The following UBE4B variants were observed in gnomAD, a reference collection of about 807,000 sequenced individuals.
UBE4B encodes ubiquitination factor E4B.
Under a neutral mutation model 148.1 loss-of-function variants are expected in UBE4B, and 27 were observed. The observed-to-expected ratio is 0.18, with a 90% CI of 0.13 to 0.25. UBE4B has a LOEUF of 0.25. UBE4B is among the 10% of genes least tolerant of loss of function. The probability of loss-of-function intolerance (pLI) is 1.00; values close to 1 mark genes in which losing one functional copy is unlikely to be tolerated. For missense variants in UBE4B, 1,170 were observed against 1,662.4 expected (o/e 0.70, Z 5.15); for synonymous variants, 596 against 619.3 (o/e 0.96, Z 0.56).
At chr1:10,061,736 C>T (rs1323145313) in intron 1 of UBE4B, among the ~76,000 whole-genome samples, 4 of 152,096 alleles carry the variant, frequency 2.6e-5, no homozygotes, top group African/African-American at 4.8e-5. Context: ...AATCAAGCCG[C>T]ACCAGCAAAG....
intron 17 of UBE4B, among the ~76,000 whole-genome samples, chr1:10,138,740 TCTATATATC>T (rs1252344480): frequency 6.6e-6 from 1 of 152,216 alleles, no homozygotes; most frequent in Non-Finnish European, 1.5e-5. Flanking sequence ...AGGAAAGCTT[TCTATATATC>T]CTCAGTTACC....
At chr1:10,075,790 G>A (rs1480681797) in intron 2 of UBE4B, among the ~76,000 whole-genome samples, 2 of 152,208 alleles carry the variant, frequency 1.3e-5, no homozygotes, top group Non-Finnish European at 2.9e-5. Context: ...AGTGGCTCAT[G>A]CCTGTAATCA....
chr1:10,175,468 G>A lies in UBE4B; in HGVS notation c.3526-3176G>A, dbSNP rs374492131. Among the ~76,000 whole-genome samples the A allele has an allele frequency of 9.6e-3, 1,435 of 150,020 alleles. 14 individuals are homozygous for A. The highest frequency in any genetic ancestry group is 0.032 in the African/African-American group (1,270 of 39,940). Reference sequence around the variant, plus strand: ...AGATCGAGACCGTCCTGGCTAACACGGTGAAACCCCATCTCTACTAAAAAT... The same window carrying A: ...AGATCGAGACCGTCCTGGCTAACACAGTGAAACCCCATCTCTACTAAAAAT... On this transcript the variant is annotated intron_variant, in intron 25 of 27. Transcript: ENST00000343090.
rs1402350391 is a variant in UBE4B at position 10,107,275 on chromosome 1, G to A, written c.1196+692G>A. On this transcript the variant is annotated intron_variant, in intron 7 of 27. Coordinates refer to ENST00000343090, the MANE Select transcript of UBE4B (RefSeq NM_001105562.3). ...TTCCTCGCACTTTCTGGGGACAGTA[G>A]TGATGAAGAAGATGAAGAAGAAGAT... is the stretch of plus-strand genomic sequence containing the variant. 5 of 1,289,534 alleles carry A rather than the reference G, an allele frequency of 3.9e-6. No individual in the cohort carries two copies. The African/African-American group carries it at 6.1e-5, about 16-fold the overall frequency. 79.9% of individuals were successfully genotyped at this position (1,289,534 alleles called of 1,614,324 possible). A position where few individuals can be genotyped will look rare whatever the true frequency, so the allele number is the denominator to read the frequency against.
chr1:10,143,769 A>G (rs745764403), intron 17 of UBE4B, among the ~76,000 whole-genome samples: 1 of 152,210 alleles, frequency 6.6e-6, no homozygotes, highest in African/African-American at 2.4e-5. Flanking sequence ...AATCATTGGA[A>G]TGGCTATAAT....
At chr1:10,093,816 TC>T (rs1381098916) in intron 2 of UBE4B, among the ~76,000 whole-genome samples, 1 of 151,924 alleles carries the variant, frequency 6.6e-6, no homozygotes, top group Non-Finnish European at 1.5e-5. Flanking sequence ...TGCCTGAACC[TC>T]CCAAGTAGCT....
intron 7 of UBE4B, among the ~76,000 whole-genome samples, chr1:10,112,362 A>T (rs1040230719): frequency 6.6e-6 from 1 of 152,218 alleles, no homozygotes; most frequent in Non-Finnish European, 1.5e-5. Flanking sequence ...GGAAAATATT[A>T]AATACTACTT....
chr1:10,163,178 C>T (rs1446543273), intron 23 of UBE4B: 1 of 152,094 alleles, frequency 6.6e-6, no homozygotes, highest in African/African-American at 2.4e-5. Context: ...CCTGCCTCAG[C>T]CTTTGTAGAT....
At chr1:10,140,833 T>C (rs1427280292) in intron 17 of UBE4B, among the ~76,000 whole-genome samples, 1 of 152,236 alleles carries the variant, frequency 6.6e-6, no homozygotes, top group Non-Finnish European at 1.5e-5. Flanking sequence ...TAAATCCACC[T>C]TAATTTTCCA....
At chr1:10,087,012 A>G (rs575272876) in intron 2 of UBE4B, among the ~76,000 whole-genome samples, 1 of 152,340 alleles carries the variant, frequency 6.6e-6, no homozygotes, top group South Asian at 2.1e-4. Context: ...CTAAAAGTGG[A>G]CAAGACCAGA....
intron 15 of UBE4B, among the ~76,000 whole-genome samples, chr1:10,132,816 G>C (rs1557583356): frequency 6.6e-6 from 1 of 152,206 alleles, no homozygotes; most frequent in Non-Finnish European, 1.5e-5. Context: ...TCATAGGAAG[G>C]AGCCAGCCAT....
At chr1:10,122,684 T>C (rs1211243733) in intron 10 of UBE4B, among the ~76,000 whole-genome samples, 1 of 152,284 alleles carries the variant, frequency 6.6e-6, no homozygotes, top group African/African-American at 2.4e-5. Context: ...GAAACTTTGT[T>C]GTTAACATTG....
At chr1:10,143,197 AG>A (rs1450952364) in intron 17 of UBE4B, among the ~76,000 whole-genome samples, 1 of 152,148 alleles carries the variant, frequency 6.6e-6, no homozygotes, top group Non-Finnish European at 1.5e-5. Context: ...TGAGGTCAGA[AG>A]TTCGAGATCA....
In UBE4B at chr1:10,181,079, A is replaced by C. The variant is rs1384610725; in HGVS notation, c.*1123A>C. On this transcript the variant is annotated 3_prime_UTR_variant, in exon 28 of 28. Transcript: ENST00000343090. The stretch of plus-strand genomic sequence containing the variant: ...GAATTCTCAAATTTCCTTTGGGGTA[A>C]AAAAAAAAAAAGGATTTGAAACCAT... 2.0e-5 allele frequency: 1 copy of C among 50,548 alleles called. No homozygotes were observed. The highest frequency in any genetic ancestry group is 1.9e-4 in the Admixed American group (1 of 5,278). The allele number at this position is 50,548 out of a possible 1,614,324, so 3.1% of individuals were successfully genotyped here. A position where few individuals can be genotyped will look rare whatever the true frequency, so the allele number is the denominator to read the frequency against.
intron 11 of UBE4B, chr1:10,128,692 G>A (rs537279275): frequency 6.6e-6 from 1 of 152,236 alleles, no homozygotes; most frequent in Non-Finnish European, 1.5e-5. Flanking sequence ...TCAACGTTGT[G>A]TCAATGCCTA....
chr1:10,121,190 T>C (rs777375541), intron 9 of UBE4B, among the ~76,000 whole-genome samples: 1 of 151,572 alleles, frequency 6.6e-6, no homozygotes, highest in Non-Finnish European at 1.5e-5. Context: ...ACCCCATCTC[T>C]ACTAAAAATA....
At chr1:10,076,919 G>A (rs768558230) in intron 2 of UBE4B, among the ~76,000 whole-genome samples, 2 of 151,348 alleles carry the variant, frequency 1.3e-5, no homozygotes, top group Non-Finnish European at 2.9e-5. Flanking sequence ...GCTAATTTTT[G>A]TATTTTTAGT....
At chr1:10,175,370 A>AG (rs1646401721) in intron 25 of UBE4B, among the ~76,000 whole-genome samples, 1 of 152,136 alleles carries the variant, frequency 6.6e-6, no homozygotes, top group Admixed American at 6.6e-5. Context: ...AAAAAAAAAT[A>AG]GCCGGGTGCA....
chr1:10,107,231 C>T (rs908533168), intron 7 of UBE4B: 3 of 1,289,500 alleles, frequency 2.3e-6, no homozygotes, highest in African/African-American at 1.5e-5. Flanking sequence ...GTATGTACGA[C>T]AATCCTTTCT....
Sources: allele counts gnomAD v4.1 joint callset (sites outside exome capture counted in the v4.1 genomes callset), GRCh38; gene constraint gnomAD v4.1.1; transcripts MANE v1.5; gene names NCBI Gene and HGNC (gene_info 2026-07-23, HGNC 2026-07-21).